Variants in RHOC observed in about 807,000 individuals in gnomAD.
RHOC encodes the protein rho-related GTP-binding protein RhoC.
In RHOC, 13 loss-of-function variants were observed where a neutral mutation model predicts 19.5. That is an observed-to-expected ratio of 0.67 (90% CI 0.43 to 1.06). The LOEUF is 1.06. RHOC is among the 50% of genes least tolerant of loss of function. The pLI is 0.00. For missense variants in RHOC, 173 were observed against 256.9 expected, an observed-to-expected ratio of 0.67 and a Z score of 2.23; for synonymous variants, 106 against 97.3, an observed-to-expected ratio of 1.09 and a Z score of -0.52.
chr1:112,703,246 T>C, intron 3 of RHOC, 127 bp from the exon 4 acceptor site: 1 of 1,017,910 alleles, frequency 9.8e-7, no homozygotes, highest in South Asian at 1.5e-5. Flanking sequence ...GCACCAGGCA[T>C]TATATTAATC....
At position 112,706,433 on chromosome 1, in the gene RHOC, A is replaced by T. The variant is rs891690984; in HGVS notation, c.-77+645T>A. Among the ~76,000 whole-genome samples, 94 of 26,032 alleles carry T rather than the reference A, an allele frequency of 3.6e-3. 2 individuals are homozygous for T. The highest frequency in any genetic ancestry group is 0.012 in the African/African-American group (86 of 7,424). The allele number at this position is 26,032 out of a possible 152,430, so 17.1% of individuals were successfully genotyped here. On this transcript the variant is annotated intron_variant, in intron 1 of 5. Coordinates refer to ENST00000339083, the MANE Select transcript of RHOC (RefSeq NM_175744.5). ...TTTCTCTCTCTCTCTCTCTCTCTAC[A>T]CACACACACACACACACACACACAC...
Position 112,703,068 on chromosome 1 carries a change from G to T in RHOC, c.208C>A (p.Arg70=). 1 of 1,614,168 alleles carries T rather than the reference G, an allele frequency of 6.2e-7. No homozygotes were observed. Residue 70 remains arginine, a synonymous_variant, in exon 4 of 6, where the codon CGG becomes AGG. Transcript: ENST00000339083. ...TCAGTGTCCGGGTAGGAGAGAGGCC[G>T]CAGTCGATCATAGTCTTCCTGCCCT... ...TAGQEDYDRL[R]PLSYPDTDVI... is the part of the protein sequence containing the mutation.
chr1:112,703,608 C>A, intron 3 of RHOC, 36 bp downstream of exon 3: 6 of 1,564,790 alleles, frequency 3.8e-6, no homozygotes, highest in Non-Finnish European at 4.4e-6. Context: ...GGGGCGGGGT[C>A]TCAGGGTGGG....
At chr1:112,707,128 G>A (rs972700673), upstream of RHOC, 7 of 151,472 alleles carry the variant, frequency 4.6e-5, no homozygotes, top group African/African-American at 1.7e-4. Flanking sequence ...GGCTCAGACT[G>A]ACCCCAGGGC....
At chr1:112,705,227 C>G in intron 1 of RHOC, 59 bp from the exon 2 acceptor site, 1 of 698,292 alleles carries the variant, frequency 1.4e-6, no homozygotes, top group Non-Finnish European at 2.6e-6. Context: ...AAAGAAGAGA[C>G]AAATGAGGGC....
In RHOC at chr1:112,701,340, G is replaced by C; in HGVS notation, c.*200C>G. On this transcript the variant is annotated 3_prime_UTR_variant, in exon 6 of 6. Coordinates refer to ENST00000339083, the MANE Select transcript of RHOC (RefSeq NM_175744.5). ...TCCCCAGGGGCCCTGAGGAAGGGCA[G>C]GGCATAGGCGTGGCTCCCAGAGCGC... is the stretch of plus-strand genomic sequence containing the variant. The C allele has an allele frequency of 6.9e-7, 1 of 1,459,580 alleles. No individual in the cohort carries two copies. Among genetic ancestry groups the C allele is most frequent in the Admixed American group, 2.2e-5 (1 of 44,510 alleles). The allele number at this position is 1,459,580 out of a possible 1,614,324, so 90.4% of individuals were successfully genotyped here.
rs373686819 is a variant in RHOC, at chr1:112,701,669, G to A, written c.453C>T (p.Ile151=). Residue 151 remains isoleucine (I), a synonymous_variant, in exon 6 of 6, where the codon ATC becomes ATT. Transcript: ENST00000339083. The part of the protein sequence containing the change: ...SEEGRDMANR[I]SAFGYLECSA... The stretch of plus-strand genomic sequence containing the variant: ...AGCACTCAAGGTAGCCAAAGGCACT[G>A]ATCCGGTTCGCCATGTCCCGGCCTT... 6.8e-6 allele frequency: 11 copies of A among 1,614,036 alleles called. No homozygotes were observed. The highest frequency in any genetic ancestry group is 1.3e-5 in the African/African-American group (1 of 75,018).
chr1:112,701,725 T>G lies in RHOC; in HGVS notation c.409-12A>C, dbSNP rs1397827923. On this transcript the variant is annotated splice_polypyrimidine_tract_variant and intron_variant, in intron 5 of 5. Coordinates refer to ENST00000339083, the MANE Select transcript of RHOC (RefSeq NM_175744.5). ...GACCGAACGGGCTCCTGAGAAGACA[T>G]AAGATGAGGGGTCAAAGGAAGCTGT... 1.9e-6 allele frequency: 3 copies of G among 1,613,456 alleles called. No homozygotes were observed. The South Asian group carries it at 3.3e-5, about 18-fold the overall frequency.
chr1:112,701,598 G>C lies in RHOC; in HGVS notation c.524C>G (p.Thr175Ser). 6.2e-7 allele frequency: 1 copy of C among 1,614,096 alleles called. No homozygotes were observed. ...EGVREVFEMA[T>S]RAGLQVRKNK... ...CTTGCGGACCTGGAGGCCAGCCCGAGTGGCCATCTCAAACACCTCCCGCAC... is the reference window on the plus strand; with the variant it reads ...CTTGCGGACCTGGAGGCCAGCCCGACTGGCCATCTCAAACACCTCCCGCAC... The change falls in exon 6 of 6, where the codon ACT (threonine) becomes AGT (serine). Residue 175 changes from threonine to serine, a missense_variant. Physicochemically the swap from Thr to Ser is moderately conservative, Grantham distance 58. This residue lies in a region of RHOC where 81 missense variants were observed against 85.8 expected (regional missense o/e 0.94). Coordinates refer to ENST00000339083, the MANE Select transcript of RHOC (RefSeq NM_175744.5).
chr1:112,704,387 C>T (rs1054620379), intron 2 of RHOC: 1 of 153,204 alleles, frequency 6.5e-6, no homozygotes, highest in African/African-American at 2.4e-5. Context: ...CCCTAGGTGC[C>T]AGGCACTCTG....
At chr1:112,701,762 A>T (rs772944866) in intron 5 of RHOC, 49 bp from the exon 6 acceptor site, 2 of 1,588,834 alleles carry the variant, frequency 1.3e-6, no homozygotes, top group South Asian at 2.2e-5. Context: ...GACTACATGA[A>T]CCTCTCCTGC....
chr1:112,704,967 A>C, intron 2 of RHOC, 133 bp downstream of exon 2: 1 of 642,082 alleles, frequency 1.6e-6, no homozygotes, highest in Non-Finnish European at 2.9e-6. Flanking sequence ...CCTCCCTGTG[A>C]CTCAGGGCAA....
At chr1:112,705,565 T>G in intron 1 of RHOC, 1 of 470,876 alleles carries the variant, frequency 2.1e-6, no homozygotes, top group Non-Finnish European at 4.2e-6. Flanking sequence ...CAAAACGGAC[T>G]CTCTCTGATT....
At chr1:112,702,954 G>C (rs201413166) in intron 4 of RHOC, 45 bp downstream of exon 4, 1 of 1,611,456 alleles carries the variant, frequency 6.2e-7, no homozygotes, top group Non-Finnish European at 8.5e-7. Flanking sequence ...GAGACCTCTG[G>C]CTGATTCCAA....
At chr1:112,706,430 T>TCCAC (rs1491269480) in intron 1 of RHOC, among the ~76,000 whole-genome samples, 10 of 49,698 alleles carry the variant, frequency 2.0e-4, no homozygotes, top group South Asian at 9.2e-4. Context: ...TCTCTCTCTC[T>TCCAC]ACACACACAC....
At chr1:112,705,732 C>T (rs1674814929) in intron 1 of RHOC, 1 of 452,286 alleles carries the variant, frequency 2.2e-6, no homozygotes, top group Admixed American at 2.4e-5. Flanking sequence ...GTTCACCTTG[C>T]CCTGTTTTGT....
At position 112,701,242 on chromosome 1, in the gene RHOC, C is replaced by CT. The variant is rs1190210436; in HGVS notation, c.*297dup. 1.4e-6 allele frequency: 1 copy of CT among 726,368 alleles called. No individual in the cohort carries two copies. The allele number at this position is 726,368 out of a possible 1,614,324, so 45.0% of individuals were successfully genotyped here. ...GACTCTGGGTCCCCTACTGCAGACA[C>CT]TTTCCTGTGAGCCAGAAGTGTATAA... On this transcript the variant is annotated 3_prime_UTR_variant, in exon 6 of 6. Coordinates refer to ENST00000339083, the MANE Select transcript of RHOC (RefSeq NM_175744.5).
In RHOC at chr1:112,703,741, C is replaced by A. The variant is rs532814642; in HGVS notation, c.59G>T (p.Cys20Phe). The change falls in exon 3 of 6, where the codon TGC becomes TTC. Residue 20 changes from cysteine to phenylalanine, a missense_variant. This residue lies in a region of RHOC where 92 missense variants were observed against 171.1 expected (regional missense o/e 0.54). Coordinates refer to ENST00000339083, the MANE Select transcript of RHOC (RefSeq NM_175744.5). ...IVGDGACGKTCLLIVFSKDQF... is the reference protein window; with the variant it reads ...IVGDGACGKTFLLIVFSKDQF... ...ATCCTTGCTGAAGACGATGAGGAGG[C>A]AGGTCTTCCCACAGGCACCATCCCC... is the stretch of plus-strand genomic sequence containing the variant. 2 of 1,612,994 alleles carry A rather than the reference C, an allele frequency of 1.2e-6. No homozygotes were observed. The highest frequency in any genetic ancestry group is 4.5e-5 in the East Asian group (2 of 44,862).
At chr1:112,705,237 C>T in intron 1 of RHOC, 69 bp from the exon 2 acceptor site, 1 of 699,892 alleles carries the variant, frequency 1.4e-6, no homozygotes. Flanking sequence ...CAAATGAGGG[C>T]CAGTCCCAGC....
Sources: allele counts gnomAD v4.1 joint callset (sites outside exome capture counted in the v4.1 genomes callset), GRCh38; gene constraint gnomAD v4.1.1; regional missense constraint gnomAD v4.1.1; transcripts MANE v1.5; gene names NCBI Gene and HGNC (gene_info 2026-07-23, HGNC 2026-07-21).